NR1I2: variants seen among roughly 807,000 people sequenced by gnomAD.
The protein encoded by NR1I2 is orphan nuclear receptor PAR1.
NR1I2 carries 42 observed loss-of-function variants against 43.3 expected under a neutral mutation model. That is an observed-to-expected ratio of 0.97 (90% confidence interval 0.76 to 1.26). NR1I2 has a LOEUF of 1.26. Among genes scored for constraint, NR1I2 ranks in the 50% most tolerant of loss-of-function variants. The probability of loss-of-function intolerance (pLI) is 0.00; values close to 1 mark genes in which losing one functional copy is unlikely to be tolerated. For synonymous variants in NR1I2, 229 were observed against 215.0 expected, an observed-to-expected ratio of 1.06 and a Z score of -0.57; for missense variants, 559 against 566.7, an observed-to-expected ratio of 0.99 and a Z score of 0.14.
At chr3:119,809,561 G>T (rs1438880377) in intron 2 of NR1I2, among the ~76,000 whole-genome samples, 2 of 137,854 alleles carry the variant, frequency 1.5e-5, no homozygotes, top group African/African-American at 2.6e-5. Context: ...GGGAAGGCGG[G>T]GGGGAAGGCG....
At chr3:119,790,375 A>G (rs1044327286) in intron 1 of NR1I2, among the ~76,000 whole-genome samples, 2 of 152,214 alleles carry the variant, frequency 1.3e-5, no homozygotes, top group African/African-American at 4.8e-5. Context: ...ACATCAGTGT[A>G]CAAATATCTC....
chr3:119,807,814 T>A lies in NR1I2; in HGVS notation c.197+367T>A, dbSNP rs545483092. On this transcript the variant is annotated intron_variant, in intron 2 of 8. Transcript: ENST00000393716. ...TGGCATAAAATAAATGCTTAGACCA[T>A]GGGAAGAGAAACAGACCGAAGGGAG... 2.0e-5 allele frequency among the ~76,000 whole-genome samples: 3 copies of A among 151,736 alleles called. No homozygotes were observed. The South Asian group carries it at 6.2e-4, about 32-fold the overall frequency.
chr3:119,797,994 T>C (rs1394824487), intron 1 of NR1I2, among the ~76,000 whole-genome samples: 1 of 152,194 alleles, frequency 6.6e-6, no homozygotes, highest in Non-Finnish European at 1.5e-5. Context: ...TTTTTTTTTC[T>C]GGGTATTTGT....
chr3:119,791,460 G>T (rs1343814334), intron 1 of NR1I2, among the ~76,000 whole-genome samples: 1 of 152,166 alleles, frequency 6.6e-6, no homozygotes, highest in Non-Finnish European at 1.5e-5. Context: ...CAGCTCATGT[G>T]ACACACCTGT....
At position 119,815,474 on chromosome 3, in the gene NR1I2, C is replaced by T. The variant is rs373038373; in HGVS notation, c.1054+35C>T. The T allele has an allele frequency of 3.6e-4, 556 of 1,525,602 alleles. 9 individuals are homozygous for T. The South Asian group carries it at 5.9e-3, about 16-fold the overall frequency. 94.5% of individuals were successfully genotyped at this position (1,525,602 alleles called of 1,614,324 possible). ...TCCCCTAGGCTGCCTGACATCCCCCCCAGCCTTATCTGCCCTCCCCAGGGA... is the reference window on the plus strand; with the variant it reads ...TCCCCTAGGCTGCCTGACATCCCCCTCAGCCTTATCTGCCCTCCCCAGGGA... On this transcript the variant is annotated intron_variant, in intron 7 of 8. Coordinates refer to ENST00000393716, the MANE Select transcript of NR1I2 (RefSeq NM_003889.4).
chr3:119,802,978 T>G (rs1421830389), intron 1 of NR1I2: 1 of 456,580 alleles, frequency 2.2e-6, no homozygotes, highest in Admixed American at 2.3e-5. Flanking sequence ...AGATGGGGAC[T>G]TTGGGGGGTG....
chr3:119,809,650 A>G (rs2055209439), intron 2 of NR1I2, among the ~76,000 whole-genome samples: 1 of 152,026 alleles, frequency 6.6e-6, no homozygotes, highest in South Asian at 2.1e-4. Flanking sequence ...AGGAGGGGAA[A>G]TCGAGGAAGA....
At chr3:119,807,971 C>G (rs1417113429) in intron 2 of NR1I2, among the ~76,000 whole-genome samples, 1 of 152,212 alleles carries the variant, frequency 6.6e-6, no homozygotes, top group African/African-American at 2.4e-5. Flanking sequence ...ATTCCCAAGA[C>G]AGCCAGCCTG....
chr3:119,794,661 A>G (rs1326266359), intron 1 of NR1I2, among the ~76,000 whole-genome samples: 1 of 152,160 alleles, frequency 6.6e-6, no homozygotes, highest in Non-Finnish European at 1.5e-5. Context: ...GCCCAGGCCA[A>G]GCGCCATGGT....
chr3:119,811,711 T>A lies in NR1I2; in HGVS notation c.504T>A (p.His168Gln). 1 of 1,610,276 alleles carries A rather than the reference T, an allele frequency of 6.2e-7. No individual in the cohort carries two copies. Among genetic ancestry groups the A allele is most frequent in the Non-Finnish European group, 8.5e-7 (1 of 1,178,052 alleles). The change falls in exon 4 of 9, where the codon CAT (histidine) becomes CAA (glutamine). Residue 168 changes from histidine (H) to glutamine (Q), a missense_variant. Transcript: ENST00000393716. ...AAACCTTTGACACTACCTTCTCCCA[T>A]TTCAAGAATTTCCGGGTAGGAGGAA...
intron 1 of NR1I2, chr3:119,792,519 C>T (rs765399680): frequency 1.2e-4 from 122 of 1,053,162 alleles, no homozygotes; most frequent in Non-Finnish European, 1.7e-4. Context: ...AATCTGCCGG[C>T]AGGGCAGTCC....
rs144612379 is a variant in NR1I2, at chr3:119,817,069, T to C, written c.1162T>C (p.Phe388Leu). ...ATCTTTTCTCTGGCTGGCATGCAGGTTCTTGTTCCTGAAGATCATGGCTAT... is the reference window on the plus strand; with the variant it reads ...ATCTTTTCTCTGGCTGGCATGCAGGCTCTTGTTCCTGAAGATCATGGCTAT... Residue 388 changes from phenylalanine to leucine, a missense_variant and splice_region_variant, in exon 9 of 9, where the codon TTC becomes CTC. Physicochemically the swap from Phe to Leu is conservative, Grantham distance 22. Transcript: ENST00000393716. 40 of 1,614,010 alleles carry C rather than the reference T, an allele frequency of 2.5e-5. No individual in the cohort carries two copies. In the Middle Eastern group the frequency reaches 6.6e-4, roughly 27 times the overall value.
chr3:119,787,129 A>C (rs1484530533), intron 1 of NR1I2, among the ~76,000 whole-genome samples: 1 of 152,082 alleles, frequency 6.6e-6, no homozygotes, highest in East Asian at 1.9e-4. Context: ...CTCTACTAAA[A>C]ATACAAAAAT....
rs1577285396 is a variant in NR1I2, at chr3:119,812,793, G to A, written c.627G>A (p.Leu209=). 4 of 1,614,248 alleles carry A rather than the reference G, an allele frequency of 2.5e-6. No individual in the cohort carries two copies. The highest frequency in any genetic ancestry group is 3.4e-6 in the Non-Finnish European group (4 of 1,180,036). ...AGGTCCGGAAAGATCTGTGCTCTTTGAAGGTCTCTCTGCAGCTGCGGGGGG... is the reference window on the plus strand; with the variant it reads ...AGGTCCGGAAAGATCTGTGCTCTTTAAAGGTCTCTCTGCAGCTGCGGGGGG... The change falls in exon 5 of 9, where the codon TTG becomes TTA. Residue 209 remains leucine (L), a synonymous_variant. Coordinates refer to ENST00000393716, the MANE Select transcript of NR1I2 (RefSeq NM_003889.4).
At chr3:119,784,878 A>AT (rs887640010) in intron 1 of NR1I2, among the ~76,000 whole-genome samples, 1 of 151,396 alleles carries the variant, frequency 6.6e-6, no homozygotes, top group East Asian at 1.9e-4. Context: ...TTTCTACTTG[A>AT]TTTTTTCCCC....
chr3:119,797,203 T>TGTGTGTGC (rs1553717389), intron 1 of NR1I2, among the ~76,000 whole-genome samples: 3,770 of 151,796 alleles, frequency 0.025, 144 homozygotes, highest in African/African-American at 0.085. Context: ...TGTGTGTGTG[T>TGTGTGTGC]GTGTGTGTGT....
chr3:119,799,921 G>A (rs894484997), intron 1 of NR1I2, among the ~76,000 whole-genome samples: 1 of 151,958 alleles, frequency 6.6e-6, no homozygotes, highest in Non-Finnish European at 1.5e-5. Context: ...CAGAGGTTGT[G>A]CACCACTGCA....
At chr3:119,800,697 TGTG>T (rs1220873698) in intron 1 of NR1I2, among the ~76,000 whole-genome samples, 2 of 152,202 alleles carry the variant, frequency 1.3e-5, no homozygotes, top group Admixed American at 1.3e-4. Context: ...TGCCTCTGGA[TGTG>T]GTCAGAGTGG....
At chr3:119,813,153 G>T (rs1175152783) in intron 5 of NR1I2, among the ~76,000 whole-genome samples, 193 bp downstream of exon 5, 2 of 152,182 alleles carry the variant, frequency 1.3e-5, no homozygotes, top group Non-Finnish European at 2.9e-5. Context: ...TAGTTTTGTG[G>T]CTGTGGGCCT....
Sources: allele counts gnomAD v4.1 joint callset (sites outside exome capture counted in the v4.1 genomes callset), GRCh38; gene constraint gnomAD v4.1.1; transcripts MANE v1.5; gene names NCBI Gene and HGNC (gene_info 2026-07-23, HGNC 2026-07-21).